The following SPATA16 variants were observed in gnomAD, a reference collection of about 807,000 sequenced individuals.
The protein encoded by SPATA16 is spermatogenesis associated 16.
SPATA16 carries 36 observed loss-of-function variants against 63.3 expected under a neutral mutation model. The ratio of observed to expected loss-of-function variants is 0.57; its 90% confidence interval spans 0.44 to 0.75. The LOEUF (loss-of-function observed/expected upper bound fraction) is 0.75, where lower values mean the gene tolerates loss of function less well. Ranked by LOEUF, SPATA16 falls within the 30% of genes least tolerant of loss-of-function variation. The pLI is 0.00. For missense variants in SPATA16, 646 were observed against 679.3 expected, an observed-to-expected ratio of 0.95 and a Z score of 0.54; for synonymous variants, 203 against 216.7, an observed-to-expected ratio of 0.94 and a Z score of 0.56.
At chr3:173,128,735 T>C (rs987967648) in intron 1 of SPATA16, among the ~76,000 whole-genome samples, 2 of 152,248 alleles carry the variant, frequency 1.3e-5, no homozygotes, top group African/African-American at 4.8e-5. Context: ...ATTATTATAA[T>C]TACTTTCATG....
At chr3:173,040,151 C>G (rs957100442) in intron 3 of SPATA16, among the ~76,000 whole-genome samples, 1 of 152,072 alleles carries the variant, frequency 6.6e-6, no homozygotes, top group Admixed American at 6.6e-5. Context: ...AAAGAAACCT[C>G]TAATAAGATG....
intron 1 of SPATA16, among the ~76,000 whole-genome samples, chr3:173,139,017 A>T (rs1738627919): frequency 6.6e-6 from 1 of 152,170 alleles, no homozygotes; most frequent in African/African-American, 2.4e-5. Flanking sequence ...CCCATCATAT[A>T]GGGATTTGGA....
chr3:173,115,605 C>G (rs1226751031), intron 2 of SPATA16, among the ~76,000 whole-genome samples: 1 of 151,420 alleles, frequency 6.6e-6, no homozygotes, highest in East Asian at 1.9e-4. Flanking sequence ...TGTAGATGAC[C>G]CTTTATGAGA....
At position 173,055,558 on chromosome 3, in the gene SPATA16, T is replaced by G. The variant is rs541010169; in HGVS notation, c.613-6464A>C. ...ATACAATATGATTACATGACACAAT[T>G]ATAGGAATGGAGAACAGATTATTGA... On this transcript the variant is annotated intron_variant, in intron 2 of 10. Transcript: ENST00000351008. Among the ~76,000 whole-genome samples, 28 of 152,280 alleles carry G rather than the reference T, an allele frequency of 1.8e-4. 1 individual carries two copies. The highest frequency in any genetic ancestry group is 6.7e-4 in the African/African-American group (28 of 41,550).
chr3:173,127,168 A>ATG (rs147259816), intron 1 of SPATA16, among the ~76,000 whole-genome samples: 55 of 151,514 alleles, frequency 3.6e-4, no homozygotes, highest in South Asian at 1.3e-3. Flanking sequence ...TCTTTCCCTA[A>ATG]TGTGTGTGTG....
intron 2 of SPATA16, among the ~76,000 whole-genome samples, chr3:173,057,268 C>T (rs778635615): frequency 8.6e-5 from 13 of 151,876 alleles, no homozygotes; most frequent in South Asian, 2.1e-4. Context: ...CCCGCCGCCA[C>T]GCCTGGGTAA....
intron 2 of SPATA16, among the ~76,000 whole-genome samples, chr3:173,099,473 G>C (rs950947552): frequency 2.0e-5 from 3 of 152,082 alleles, no homozygotes; most frequent in Non-Finnish European, 4.4e-5. Flanking sequence ...GAATCCCCTG[G>C]GGGTCTTGGT....
At chr3:172,981,091 G>A (rs980108856) in intron 4 of SPATA16, among the ~76,000 whole-genome samples, 1 of 152,096 alleles carries the variant, frequency 6.6e-6, no homozygotes, top group Non-Finnish European at 1.5e-5. Flanking sequence ...AGCTCATGCT[G>A]TCATCTAGTG....
At chr3:172,984,596 C>A (rs140381177) in intron 4 of SPATA16, among the ~76,000 whole-genome samples, 15 of 152,258 alleles carry the variant, frequency 9.9e-5, no homozygotes, top group African/African-American at 3.6e-4. Flanking sequence ...ATTCTAATAT[C>A]TGGAATTTTT....
rs1224712418 is a variant in SPATA16, at chr3:173,028,023, TTTCCTTCCTTCCTTCC to T, written c.759-8464_759-8449del. ...CCTCCCTCCCTCCCTCCCTTCCTTCTTTCCTTCCTTCCTTCCTTCCTTCCTTCCTTCCTTCCTTCCT... is the reference window on the plus strand; with the variant it reads ...CCTCCCTCCCTCCCTCCCTTCCTTCTTTCCTTCCTTCCTTCCTTCCTTCCT... On this transcript the variant is annotated intron_variant, in intron 3 of 10. Transcript: ENST00000351008. Among the ~76,000 whole-genome samples, 101 of 36,678 alleles carry T rather than the reference TTTCCTTCCTTCCTTCC, an allele frequency of 2.8e-3. 5 individuals are homozygous for T. The highest frequency in any genetic ancestry group is 0.01 in the African/African-American group (88 of 8,502). The allele number at this position is 36,678 out of a possible 152,430, so 24.1% of individuals were successfully genotyped here. A position where few individuals can be genotyped will look rare whatever the true frequency, so the allele number is the denominator to read the frequency against.
Position 172,956,732 on chromosome 3 carries a change from T to C in SPATA16, c.1026A>G (p.Lys342=), listed in dbSNP as rs781691039. The C allele has an allele frequency of 1.2e-6, 2 of 1,613,172 alleles. No individual in the cohort carries two copies. Among genetic ancestry groups the C allele is most frequent in the Non-Finnish European group, 1.7e-6 (2 of 1,179,508 alleles). ...ATKIRADKIE[K]VKDAFTKTHP... is the part of the protein sequence containing the mutation. ...GAGTTTTTGTGAAAGCATCTTTTACTTTTTCTATTTTATCAGCTCTTATTT... is the reference window on the plus strand; with the variant it reads ...GAGTTTTTGTGAAAGCATCTTTTACCTTTTCTATTTTATCAGCTCTTATTT... Residue 342 remains lysine (K), a synonymous_variant, in exon 6 of 11, where the codon AAA becomes AAG. Coordinates refer to ENST00000351008, the MANE Select transcript of SPATA16 (RefSeq NM_031955.6).
chr3:172,965,260 G>A (rs1233583220), intron 5 of SPATA16, among the ~76,000 whole-genome samples: 1 of 152,152 alleles, frequency 6.6e-6, no homozygotes, highest in African/African-American at 2.4e-5. Flanking sequence ...TTACATCTTA[G>A]GGCCTCTTCC....
chr3:172,949,412 C>T (rs1341183708), intron 6 of SPATA16, among the ~76,000 whole-genome samples: 1 of 151,976 alleles, frequency 6.6e-6, no homozygotes, highest in Non-Finnish European at 1.5e-5. Context: ...AAAGAAAAAA[C>T]GTAACTCTAC....
intron 10 of SPATA16, among the ~76,000 whole-genome samples, chr3:172,905,969 AACAAGACAAT>A (rs532829202): frequency 1.8e-4 from 27 of 152,356 alleles, no homozygotes; most frequent in Admixed American, 1.5e-3. Flanking sequence ...GGCATAGCAG[AACAAGACAAT>A]ACTGTATGTC....
chr3:173,140,757 TA>T (rs1738690841), intron 1 of SPATA16, among the ~76,000 whole-genome samples: 1 of 152,128 alleles, frequency 6.6e-6, no homozygotes, highest in African/African-American at 2.4e-5. Flanking sequence ...GAATATATAT[TA>T]GAATAAAGCA....
chr3:172,912,922 C>T (rs1415237618), intron 10 of SPATA16, among the ~76,000 whole-genome samples: 3 of 152,140 alleles, frequency 2.0e-5, no homozygotes, highest in Non-Finnish European at 4.4e-5. Context: ...CTCAGGTGCT[C>T]CAGAATCCCT....
intron 2 of SPATA16, among the ~76,000 whole-genome samples, chr3:173,090,606 G>T (rs1737198030): frequency 1.3e-5 from 2 of 152,102 alleles, no homozygotes; most frequent in South Asian, 4.1e-4. Context: ...CAGCTGAGGG[G>T]GAGCCAGATT....
At chr3:173,114,569 A>G (rs959729936) in intron 2 of SPATA16, among the ~76,000 whole-genome samples, 3 of 152,222 alleles carry the variant, frequency 2.0e-5, no homozygotes, top group African/African-American at 4.8e-5. Flanking sequence ...CCATCATACC[A>G]TATCAGCCCT....
chr3:173,033,218 T>G (rs1735643708), intron 3 of SPATA16, among the ~76,000 whole-genome samples: 1 of 152,286 alleles, frequency 6.6e-6, no homozygotes, highest in East Asian at 1.9e-4. Context: ...TCCTCATCTT[T>G]GTAGACTGTA....
Sources: gnomAD v4.1 joint callset for allele counts (sites outside exome capture counted in the v4.1 genomes callset) on GRCh38, gnomAD v4.1.1 for gene constraint, MANE v1.5 for transcripts, NCBI Gene and HGNC (gene_info 2026-07-23, HGNC 2026-07-21) for gene names.